The following CRB1 variants were observed in gnomAD, a reference collection of about 807,000 sequenced individuals.
The protein encoded by CRB1 is crumbs cell polarity complex component 1, also known as protein crumbs homolog 1.
A neutral mutation model predicts 120.0 loss-of-function variants in CRB1; 83 were observed. The observed-to-expected ratio is 0.69, with a 90% CI of 0.58 to 0.83. The LOEUF (loss-of-function observed/expected upper bound fraction) is 0.83. Among genes scored for constraint, CRB1 ranks in the 40% least tolerant of loss-of-function variants. The probability of loss-of-function intolerance (pLI) is 0.00; values close to 1 mark genes in which losing one functional copy is unlikely to be tolerated. For synonymous variants in CRB1, 625 were observed against 612.5 expected (o/e 1.02, Z -0.30); for missense variants, 1,699 against 1,687.6 (o/e 1.01, Z -0.12).
intron 5 of CRB1, 59 bp downstream of exon 5, chr1:197,357,072 C>G: frequency 6.5e-7 from 1 of 1,534,478 alleles, no homozygotes; most frequent in Non-Finnish European, 9.0e-7. Flanking sequence ...CAGACCATGG[C>G]TTTAACCAAA....
intron 9 of CRB1, among the ~76,000 whole-genome samples, chr1:197,436,177 A>C (rs905647437): frequency 6.6e-6 from 1 of 152,130 alleles, no homozygotes; most frequent in Non-Finnish European, 1.5e-5. Flanking sequence ...CCTTAACAAT[A>C]ACATAGTCAA....
chr1:197,465,515 T>A (rs561740432), intron 11 of CRB1, among the ~76,000 whole-genome samples: 35 of 152,298 alleles, frequency 2.3e-4, no homozygotes, highest in African/African-American at 7.7e-4. Context: ...ATCCTCATAA[T>A]ATGAAGGTTT....
Position 197,438,575 on chromosome 1 carries a change from G to A in CRB1, c.3778G>A (p.Gly1260Arg), listed in dbSNP as rs1665274678. The A allele has an allele frequency of 6.2e-7, 1 of 1,612,740 alleles. No individual in the cohort carries two copies. Among genetic ancestry groups the A allele is most frequent in the Non-Finnish European group, 8.5e-7 (1 of 1,178,984 alleles). ...RQSRLPSTVC[G>R]NEKTNLTCYN... is the part of the protein sequence containing the mutation. ...GAGCAGATTACCCTCAACAGTCTGT[G>A]GGAATGAGAAGACAAATCTCACTTG... The change falls in exon 10 of 12, where the codon GGG (glycine) becomes AGG (arginine). Residue 1260 changes from glycine to arginine, a missense_variant. Physicochemically the swap from Gly to Arg is moderately radical, Grantham distance 125 (BLOSUM62 -2). Coordinates refer to ENST00000367400, the MANE Select transcript of CRB1 (RefSeq NM_201253.3).
Position 197,432,785 on chromosome 1 carries a change from A to G in CRB1, c.2843-1921A>G, listed in dbSNP as rs59557279. ...TGAATGCAGGGAGGCGGTTTTTTTA[A>G]CTTGGATAGTCAGGGAAAAGCTTCT... is the stretch of plus-strand genomic sequence containing the variant. On this transcript the variant is annotated intron_variant, in intron 8 of 11. Transcript: ENST00000367400. 6.0e-3 allele frequency among the ~76,000 whole-genome samples: 906 copies of G among 152,256 alleles called. 4 individuals carry two copies. Among genetic ancestry groups the G allele is most frequent in the African/African-American group, 0.02 (851 of 41,552 alleles).
chr1:197,358,214 T>A (rs1272705345), intron 5 of CRB1: 2 of 152,360 alleles, frequency 1.3e-5, no homozygotes, highest in South Asian at 2.1e-4. Context: ...TACTATTGCC[T>A]CTTTTCAAAA....
At chr1:197,409,950 C>CT (rs1382633698) in intron 5 of CRB1, among the ~76,000 whole-genome samples, 4 of 152,004 alleles carry the variant, frequency 2.6e-5, no homozygotes, top group South Asian at 2.1e-4. Context: ...TGCCCGGCTA[C>CT]TTTTTTTGTA....
chr1:197,414,282 A>G, intron 5 of CRB1, among the ~76,000 whole-genome samples: 1 of 152,120 alleles, frequency 6.6e-6, no homozygotes, highest in Admixed American at 6.5e-5. Context: ...TATGTCTAGT[A>G]TATATATATC....
At chr1:197,266,726 C>G (rs987238115), upstream of CRB1, among the ~76,000 whole-genome samples, 2 of 152,104 alleles carry the variant, frequency 1.3e-5, no homozygotes, top group East Asian at 1.9e-4. Flanking sequence ...TTCTTCGACA[C>G]TTTTGTCTTT....
Position 197,478,222 on chromosome 1 carries a change from T to G in CRB1, c.*343T>G. The G allele has an allele frequency of 3.0e-6, 1 of 335,504 alleles. No homozygotes were observed. Among genetic ancestry groups the G allele is most frequent in the Non-Finnish European group, 5.7e-6 (1 of 174,966 alleles). The allele number at this position is 335,504 out of a possible 1,614,324, so 20.8% of individuals were successfully genotyped here. A position where few individuals can be genotyped will look rare whatever the true frequency, so the allele number is the denominator to read the frequency against. On this transcript the variant is annotated 3_prime_UTR_variant, in exon 12 of 12. Coordinates refer to ENST00000367400, the MANE Select transcript of CRB1 (RefSeq NM_201253.3). ...TGGGAACAAATTTTAGTTTTCATTT[T>G]AGGTTTCTGTACTTTCTGTAGTTTC...
At chr1:197,460,440 G>A (rs1666478199) in intron 11 of CRB1, among the ~76,000 whole-genome samples, 2 of 152,018 alleles carry the variant, frequency 1.3e-5, no homozygotes, top group African/African-American at 4.8e-5. Context: ...TACCTGAGGG[G>A]AGTTAACAGT....
chr1:197,432,292 A>G (rs1664906006), intron 8 of CRB1, among the ~76,000 whole-genome samples: 1 of 151,618 alleles, frequency 6.6e-6, no homozygotes. Flanking sequence ...CATTTACTTA[A>G]AAACATGTAA....
chr1:197,271,782 A>G (rs1428935360), intron 1 of CRB1, among the ~76,000 whole-genome samples: 1 of 151,952 alleles, frequency 6.6e-6, no homozygotes, highest in South Asian at 2.1e-4. Flanking sequence ...AAACAACCAT[A>G]CCATGAATTA....
At chr1:197,354,757 C>T (rs1160267775) in intron 4 of CRB1, among the ~76,000 whole-genome samples, 1 of 139,716 alleles carries the variant, frequency 7.2e-6, no homozygotes, top group East Asian at 2.3e-4. Flanking sequence ...TACAACATGA[C>T]CTCAGCACGT....
At chr1:197,258,511 C>T in the CRB1 span, among the ~76,000 whole-genome samples, 2 of 152,172 alleles carry the variant, frequency 1.3e-5, no homozygotes, top group African/African-American at 2.4e-5. Flanking sequence ...CTAAAAATCC[C>T]CTTCCTGACA....
intron 1 of CRB1, among the ~76,000 whole-genome samples, chr1:197,322,433 A>G (rs1023262923): frequency 1.3e-5 from 2 of 151,796 alleles, no homozygotes; most frequent in Non-Finnish European, 2.9e-5. Flanking sequence ...ACTGCACTCC[A>G]GCCTGGGTGA....
In CRB1 at chr1:197,296,871, C is replaced by T. The variant is rs1028870453; in HGVS notation, c.70+28389C>T. Among the ~76,000 whole-genome samples, 4 of 152,152 alleles carry T rather than the reference C, an allele frequency of 2.6e-5. No homozygotes were observed. In the East Asian group the frequency reaches 7.8e-4, roughly 30 times the overall value. On this transcript the variant is annotated intron_variant, in intron 1 of 11. Transcript: ENST00000367400. ...TTGCCAGCCACCATGTAAGACGTCC[C>T]TTTTGCCTTCTGCCATGATTGTGAG... is the stretch of plus-strand genomic sequence containing the variant.
At chr1:197,258,713 A>G in the CRB1 span, among the ~76,000 whole-genome samples, 1 of 152,106 alleles carries the variant, frequency 6.6e-6, no homozygotes, top group Non-Finnish European at 1.5e-5. Context: ...CTTACTCTAC[A>G]TTCTCTTCTC....
At chr1:197,383,053 G>A (rs1166077515) in intron 5 of CRB1, among the ~76,000 whole-genome samples, 1 of 152,082 alleles carries the variant, frequency 6.6e-6, no homozygotes, top group Non-Finnish European at 1.5e-5. Context: ...TCTACTTTTG[G>A]TGCAGAATTC....
chr1:197,224,454 T>C, the CRB1 span, among the ~76,000 whole-genome samples: 2 of 152,146 alleles, frequency 1.3e-5, no homozygotes, highest in African/African-American at 4.8e-5. Context: ...ATGAGTATAC[T>C]TTATAAATAA....
Sources: gnomAD v4.1 joint callset for allele counts (sites outside exome capture counted in the v4.1 genomes callset) on GRCh38, gnomAD v4.1.1 for gene constraint, MANE v1.5 for transcripts, NCBI Gene and HGNC (gene_info 2026-07-23, HGNC 2026-07-21) for gene names.